CASD1: variants seen among roughly 807,000 people sequenced by gnomAD.
CASD1 encodes CAS1 domain sialic acid O acetyltransferase 1.
Under a neutral mutation model 100.0 loss-of-function variants are expected in CASD1, and 41 were observed. The observed-to-expected ratio is 0.41, with a 90% CI of 0.32 to 0.53. The LOEUF (loss-of-function observed/expected upper bound fraction) is 0.53. CASD1 is among the 20% of genes least tolerant of loss of function. The pLI, the probability that CASD1 is intolerant of heterozygous loss-of-function variation, is 0.25. For synonymous variants in CASD1, 321 were observed against 315.6 expected (o/e 1.02, Z -0.18); for missense variants, 774 against 948.7 (o/e 0.82, Z 2.42).
At chr7:94,554,434 C>CTTTA (rs1562951633) in intron 16 of CASD1, 49 bp from the exon 17 acceptor site, 2 of 1,231,402 alleles carry the variant, frequency 1.6e-6, no homozygotes. Context: ...ATACAAAATA[C>CTTTA]TTTTCAATAA....
chr7:94,598,685 C>T, the CASD1 span: 1 of 954,452 alleles, frequency 1.0e-6, no homozygotes, highest in Non-Finnish European at 1.7e-6. Context: ...TATAAACAAA[C>T]AAACACAACA....
the CASD1 span, among the ~76,000 whole-genome samples, chr7:94,563,421 A>G: frequency 2.0e-5 from 3 of 152,130 alleles, no homozygotes; most frequent in African/African-American, 7.2e-5. Context: ...TGAAGCCATA[A>G]CTAATTACTT....
the CASD1 span, among the ~76,000 whole-genome samples, chr7:94,609,710 C>T: frequency 6.6e-6 from 1 of 152,196 alleles, no homozygotes; most frequent in African/African-American, 2.4e-5. Context: ...GTGGCAATAT[C>T]AAATGCTGGC....
chr7:94,533,953 C>G (rs926486020), intron 7 of CASD1, 151 bp downstream of exon 7: 1 of 657,578 alleles, frequency 1.5e-6, no homozygotes, highest in Non-Finnish European at 2.3e-6. Flanking sequence ...GAGTTATTTG[C>G]TCTCCTTTTT....
chr7:94,590,406 A>G, the CASD1 span: 1 of 152,116 alleles, frequency 6.6e-6, no homozygotes, highest in Non-Finnish European at 1.5e-5. Context: ...ATAATATTTA[A>G]TTGCCCCAAA....
intron 16 of CASD1, among the ~76,000 whole-genome samples, chr7:94,552,799 T>C (rs1796012767): frequency 6.6e-6 from 1 of 152,056 alleles, no homozygotes; most frequent in African/African-American, 2.4e-5. Context: ...TAGCTGGGCG[T>C]GGTGGCGGGC....
At chr7:94,615,998 G>A in the CASD1 span, among the ~76,000 whole-genome samples, 1 of 152,176 alleles carries the variant, frequency 6.6e-6, no homozygotes, top group Non-Finnish European at 1.5e-5. Flanking sequence ...TTTTCAGAGG[G>A]CTCAGCCTTC....
At chr7:94,592,575 A>T in the CASD1 span, among the ~76,000 whole-genome samples, 1 of 152,298 alleles carries the variant, frequency 6.6e-6, no homozygotes, top group East Asian at 1.9e-4. Context: ...AATTTCATGC[A>T]TTTAAATAGA....
At chr7:94,548,330 G>A (rs1367594583) in intron 13 of CASD1, among the ~76,000 whole-genome samples, 1 of 151,734 alleles carries the variant, frequency 6.6e-6, no homozygotes, top group African/African-American at 2.4e-5. Flanking sequence ...ATTTTAAATT[G>A]TGTATACATC....
the CASD1 span, chr7:94,620,762 C>T: frequency 6.6e-6 from 1 of 152,322 alleles, no homozygotes; most frequent in Non-Finnish European, 1.5e-5. Flanking sequence ...AGCTTCATGG[C>T]TCCTTTTCTG....
intron 3 of CASD1, among the ~76,000 whole-genome samples, chr7:94,521,225 G>T (rs1410838407): frequency 6.6e-6 from 1 of 152,096 alleles, no homozygotes; most frequent in East Asian, 1.9e-4. Context: ...AAATGATGAG[G>T]TTTTACTACA....
rs958692390 is a variant in CASD1 at position 94,520,141 on chromosome 7, A to C, written c.351+1818A>C. Among the ~76,000 whole-genome samples, 5 of 152,196 alleles carry C rather than the reference A, an allele frequency of 3.3e-5. No homozygotes were observed. The South Asian group carries it at 8.3e-4, about 25-fold the overall frequency. On this transcript the variant is annotated intron_variant, in intron 3 of 17. Coordinates refer to ENST00000297273, the MANE Select transcript of CASD1 (RefSeq NM_022900.5). ...CCCCCGTCTTAAAGAGACAATTTTCAAGAAAATATTTAATTCAAGCTGCTA... is the reference window on the plus strand; with the variant it reads ...CCCCCGTCTTAAAGAGACAATTTTCCAGAAAATATTTAATTCAAGCTGCTA...
At chr7:94,624,302 T>A in the CASD1 span, 1 of 397,894 alleles carries the variant, frequency 2.5e-6, no homozygotes. Context: ...AAATATCTTG[T>A]GCATTTTAAA....
chr7:94,569,582 G>A, the CASD1 span, among the ~76,000 whole-genome samples: 2 of 151,836 alleles, frequency 1.3e-5, no homozygotes, highest in Non-Finnish European at 2.9e-5. Context: ...AGCCTCCCAA[G>A]TAGTTTAGCA....
chr7:94,583,655 A>G, the CASD1 span, among the ~76,000 whole-genome samples: 1 of 152,150 alleles, frequency 6.6e-6, no homozygotes, highest in African/African-American at 2.4e-5. Flanking sequence ...TTTGGAATCT[A>G]AATCTGAGTT....
At chr7:94,583,381 T>C in the CASD1 span, among the ~76,000 whole-genome samples, 3 of 152,150 alleles carry the variant, frequency 2.0e-5, no homozygotes, top group Non-Finnish European at 4.4e-5. Flanking sequence ...AAGTAAGTAC[T>C]GAAGGGGGAT....
the CASD1 span, chr7:94,628,135 A>AAT: frequency 2.9e-6 from 3 of 1,043,326 alleles, no homozygotes; most frequent in Non-Finnish European, 4.2e-6. Context: ...CTCAAATTAC[A>AAT]ATACACACAC....
the CASD1 span, among the ~76,000 whole-genome samples, chr7:94,602,859 A>AGG: frequency 6.6e-6 from 1 of 152,138 alleles, no homozygotes; most frequent in Non-Finnish European, 1.5e-5. Context: ...CTATAATTTG[A>AGG]GTTGTCAGAA....
chr7:94,521,638 C>G (rs149638822), intron 3 of CASD1, among the ~76,000 whole-genome samples: 138 of 152,118 alleles, frequency 9.1e-4, no homozygotes, highest in Middle Eastern at 3.4e-3. Context: ...TCATCTAATG[C>G]CAAATATGTA....
Sources: allele counts gnomAD v4.1 joint callset (sites outside exome capture counted in the v4.1 genomes callset), GRCh38; gene constraint gnomAD v4.1.1; transcripts MANE v1.5; gene names NCBI Gene and HGNC (gene_info 2026-07-23, HGNC 2026-07-21).